The following DOCK2 variants were observed in gnomAD, a reference collection of about 807,000 sequenced individuals.
The protein encoded by DOCK2 is dedicator of cytokinesis 2, also known as dedicator of cytokinesis protein 2.
In DOCK2, 87 loss-of-function variants were observed where a neutral mutation model predicts 248.9. That is an observed-to-expected ratio of 0.35 (90% CI 0.29 to 0.42). DOCK2 has a LOEUF of 0.42. Among genes scored for constraint, DOCK2 ranks in the 10% least tolerant of loss-of-function variants. The pLI, the probability that DOCK2 is intolerant of heterozygous loss-of-function variation, is 1.00. For synonymous variants in DOCK2, 805 were observed against 821.6 expected, an observed-to-expected ratio of 0.98 and a Z score of 0.35; for missense variants, 1,747 against 2,300.2, an observed-to-expected ratio of 0.76 and a Z score of 4.92.
rs372931658 is a variant in DOCK2, at chr5:169,810,971, ACT to A, written c.2703+7783_2703+7784del. On this transcript the variant is annotated intron_variant, in intron 26 of 51. Transcript: ENST00000520908. ...TGTATGTTTACACACACACACACAG[ACT>A]CTCTCTCTCTCTCTCTCACACACAC... Among the ~76,000 whole-genome samples the A allele has an allele frequency of 2.7e-3, 392 of 145,860 alleles. 1 individual carries two copies. The highest frequency in any genetic ancestry group is 3.5e-3 in the Middle Eastern group (1 of 288).
In DOCK2 at chr5:169,654,479, G is replaced by C. The variant is rs531692992; in HGVS notation, c.120G>C (p.Thr40=). The change falls in exon 2 of 52, where the codon ACG becomes ACC. Residue 40 remains threonine, a synonymous_variant. Coordinates refer to ENST00000520908, the MANE Select transcript of DOCK2 (RefSeq NM_004946.3). ...QIGDVVRIQE[T]CGDWYRGYLI... ...GCGATGTGGTGCGAATACAGGAGAC[G>C]TGTGGAGGTGAGTCACTGGCCCACG... is the stretch of plus-strand genomic sequence containing the variant. The C allele has an allele frequency of 2.5e-5, 41 of 1,614,026 alleles. No homozygotes were observed. Among genetic ancestry groups the C allele is most frequent in the Admixed American group, 1.2e-4 (7 of 60,006 alleles).
chr5:170,029,440 T>G lies in DOCK2; in HGVS notation c.3467+1492T>G, dbSNP rs1391410307. ...GGGTTTTGATCCTGGCTCTACCACT[T>G]AGCAGCTGCAAGACTTCACACAAAT... On this transcript the variant is annotated intron_variant, in intron 34 of 51. Coordinates refer to ENST00000520908, the MANE Select transcript of DOCK2 (RefSeq NM_004946.3). 3.9e-5 allele frequency among the ~76,000 whole-genome samples: 6 copies of G among 152,222 alleles called. No homozygotes were observed. The East Asian group carries it at 1.2e-3, about 29-fold the overall frequency.
At chr5:169,716,962 G>T (rs1052499370) in intron 20 of DOCK2, among the ~76,000 whole-genome samples, 3 of 152,178 alleles carry the variant, frequency 2.0e-5, no homozygotes, top group Admixed American at 6.5e-5. Flanking sequence ...TTAATCAAGT[G>T]CTTCCCCAGA....
At chr5:169,829,996 A>G (rs2161148) in intron 26 of DOCK2, among the ~76,000 whole-genome samples, 26,398 of 152,246 alleles carry the variant, frequency 0.17, 2,628 homozygotes, top group Admixed American at 0.24. Flanking sequence ...TGGATAAGCC[A>G]TCATTTATAT....
At chr5:170,001,847 A>G (rs898629823) in intron 30 of DOCK2, among the ~76,000 whole-genome samples, 4 of 152,210 alleles carry the variant, frequency 2.6e-5, no homozygotes, top group African/African-American at 9.6e-5. Flanking sequence ...AGGGTATAAT[A>G]TGGGTGAATA....
chr5:169,997,002 T>G (rs944000588), intron 30 of DOCK2, among the ~76,000 whole-genome samples: 1 of 152,048 alleles, frequency 6.6e-6, no homozygotes, highest in African/African-American at 2.4e-5. Context: ...GAACCAGTGT[T>G]CAGCATATGG....
intron 25 of DOCK2, among the ~76,000 whole-genome samples, chr5:169,793,710 G>T (rs1342298091): frequency 6.6e-6 from 1 of 152,052 alleles, no homozygotes; most frequent in Non-Finnish European, 1.5e-5. Flanking sequence ...GGGCCCCAGG[G>T]CCTGATGAGA....
intron 44 of DOCK2, among the ~76,000 whole-genome samples, chr5:170,066,552 C>G: frequency 6.6e-6 from 1 of 152,190 alleles, no homozygotes; most frequent in Non-Finnish European, 1.5e-5. Flanking sequence ...ATGGACCTAA[C>G]AGACATATAC....
chr5:170,045,981 G>T, intron 39 of DOCK2, 76 bp downstream of exon 39: 4 of 1,426,986 alleles, frequency 2.8e-6, no homozygotes, highest in Non-Finnish European at 4.0e-6. Flanking sequence ...AGATCCTGGG[G>T]AGATGGGCAT....
At chr5:169,805,448 C>T (rs970549541) in intron 26 of DOCK2, among the ~76,000 whole-genome samples, 3 of 152,164 alleles carry the variant, frequency 2.0e-5, no homozygotes, top group South Asian at 4.1e-4. Context: ...AGCCAATCCA[C>T]AGTGTTTTTT....
chr5:170,080,062 C>T (rs1273451397), intron 49 of DOCK2, 101 bp from the exon 50 acceptor site: 29 of 1,554,272 alleles, frequency 1.9e-5, no homozygotes, highest in South Asian at 2.4e-5. Flanking sequence ...TCATAGAAAC[C>T]ATGCCACGCC....
intron 22 of DOCK2, among the ~76,000 whole-genome samples, chr5:169,745,589 T>C (rs1264114608): frequency 6.6e-6 from 1 of 152,220 alleles, no homozygotes; most frequent in African/African-American, 2.4e-5. Context: ...CAGTTTTGAA[T>C]TCTGGCTCTG....
intron 26 of DOCK2, among the ~76,000 whole-genome samples, chr5:169,838,467 G>A (rs1769730564): frequency 6.6e-6 from 1 of 152,200 alleles, no homozygotes; most frequent in South Asian, 2.1e-4. Context: ...ACTGTCAGCT[G>A]TGGTTGTTGC....
chr5:169,776,185 A>G (rs1166180464), intron 25 of DOCK2, among the ~76,000 whole-genome samples: 2 of 147,424 alleles, frequency 1.4e-5, no homozygotes, highest in East Asian at 4.4e-4. Flanking sequence ...ATATATATAT[A>G]TAGGTCTCAC....
At chr5:169,720,703 G>A (rs1406030967) in intron 22 of DOCK2, among the ~76,000 whole-genome samples, 1 of 152,120 alleles carries the variant, frequency 6.6e-6, no homozygotes, top group African/African-American at 2.4e-5. Flanking sequence ...CTTCTGTTAA[G>A]ATAACTCTCT....
chr5:169,955,884 A>G (rs1171308581), intron 27 of DOCK2, among the ~76,000 whole-genome samples: 4 of 152,186 alleles, frequency 2.6e-5, no homozygotes, highest in Non-Finnish European at 5.9e-5. Context: ...TGAAACTAAG[A>G]CATGGCTCAT....
intron 27 of DOCK2, among the ~76,000 whole-genome samples, chr5:169,867,949 A>G (rs964707538): frequency 6.6e-6 from 1 of 152,180 alleles, no homozygotes; most frequent in African/African-American, 2.4e-5. Flanking sequence ...CACCAGGAAC[A>G]CACATAGTTC....
intron 49 of DOCK2, 50 bp from the exon 50 acceptor site, chr5:170,080,113 T>G: frequency 6.2e-7 from 1 of 1,607,926 alleles, no homozygotes; most frequent in Non-Finnish European, 8.5e-7. Flanking sequence ...TGCCTCATGC[T>G]AAGCCTCTGT....
chr5:170,004,920 G>T (rs1325832060), intron 30 of DOCK2, among the ~76,000 whole-genome samples: 5 of 126,612 alleles, frequency 3.9e-5, no homozygotes, highest in Non-Finnish European at 6.6e-5. Context: ...ACTGTGGTGG[G>T]GTGGGGGGAG....
Sources: gnomAD v4.1 joint callset for allele counts (sites outside exome capture counted in the v4.1 genomes callset) on GRCh38, gnomAD v4.1.1 for gene constraint, MANE v1.5 for transcripts, NCBI Gene and HGNC (gene_info 2026-07-23, HGNC 2026-07-21) for gene names.